The following RABGEF1 variants were observed in gnomAD, a reference collection of about 807,000 sequenced individuals.
RABGEF1 encodes RAB guanine nucleotide exchange factor 1.
In RABGEF1, 26 loss-of-function variants were observed where a neutral mutation model predicts 57.3. The observed-to-expected ratio is 0.45, with a 90% confidence interval of 0.33 to 0.63. The LOEUF (loss-of-function observed/expected upper bound fraction) is 0.63, where lower values mean the gene tolerates loss of function less well. RABGEF1 is among the 20% of genes least tolerant of loss of function. The pLI is 0.02. For synonymous variants in RABGEF1, 185 were observed against 210.7 expected (o/e 0.88, Z 1.06); for missense variants, 464 against 607.6 (o/e 0.76, Z 2.48).
chr7:66,662,950 A>G, the RABGEF1 span, among the ~76,000 whole-genome samples: 1 of 152,210 alleles, frequency 6.6e-6, no homozygotes, highest in Non-Finnish European at 1.5e-5. Flanking sequence ...GTGCGTGTGC[A>G]GGCATGTGTG....
chr7:66,748,614 C>T (rs1347816729), intron 1 of RABGEF1, among the ~76,000 whole-genome samples: 1 of 152,120 alleles, frequency 6.6e-6, no homozygotes, highest in Non-Finnish European at 1.5e-5. Context: ...ATCATAACGG[C>T]TAGTTCAAGG....
At chr7:66,696,220 CA>C (rs1338194695) in intron 1 of RABGEF1, among the ~76,000 whole-genome samples, 2 of 152,042 alleles carry the variant, frequency 1.3e-5, no homozygotes, top group Admixed American at 6.6e-5. Flanking sequence ...TGCCTAACAC[CA>C]TGCCTGGCTA....
At chr7:66,693,420 A>T (rs1026415318) in intron 1 of RABGEF1, among the ~76,000 whole-genome samples, 1 of 152,070 alleles carries the variant, frequency 6.6e-6, no homozygotes, top group Non-Finnish European at 1.5e-5. Flanking sequence ...CTTCCAGGGC[A>T]GGCCTGGCTC....
intron 3 of RABGEF1, among the ~76,000 whole-genome samples, chr7:66,783,279 G>T (rs754313386): frequency 9.9e-5 from 15 of 152,182 alleles, no homozygotes; most frequent in Non-Finnish European, 1.6e-4. Flanking sequence ...CATTTAACAT[G>T]TCAGTGCTTC....
rs1789431634 is a variant in RABGEF1, at chr7:66,811,389, T to G, written c.*2105T>G. On this transcript the variant is annotated 3_prime_UTR_variant, in exon 9 of 9. Transcript: ENST00000284957. The stretch of plus-strand genomic sequence containing the variant: ...GAAGATGTTGGTATTTTATGTAGGG[T>G]AAATGTGACTGGAATACACCTTTGG... The G allele has an allele frequency of 6.6e-6, 1 of 152,368 alleles. No homozygotes were observed. Among genetic ancestry groups the G allele is most frequent in the Non-Finnish European group, 1.5e-5 (1 of 68,026 alleles). 9.4% of individuals were successfully genotyped at this position (152,368 alleles called of 1,614,324 possible). A position where few individuals can be genotyped will look rare whatever the true frequency, so the allele number is the denominator to read the frequency against.
At chr7:66,782,052 G>A (rs1272407858) in intron 3 of RABGEF1, among the ~76,000 whole-genome samples, 1 of 152,150 alleles carries the variant, frequency 6.6e-6, no homozygotes, top group Non-Finnish European at 1.5e-5. Context: ...ATTCCATCAT[G>A]ACTAGAAGCA....
In RABGEF1 at chr7:66,811,268, G is replaced by A. The variant is rs571118070; in HGVS notation, c.*1984G>A. ...TTTTTGGAGGTATCTCATATTGGTC[G>A]AATTCTTCTGGTATGGACTCTTGCC... On this transcript the variant is annotated 3_prime_UTR_variant, in exon 9 of 9. Transcript: ENST00000284957. The A allele has an allele frequency of 1.3e-5, 2 of 152,166 alleles. No homozygotes were observed. Among genetic ancestry groups the A allele is most frequent in the Middle Eastern group, 3.4e-3 (1 of 294 alleles). The allele number at this position is 152,166 out of a possible 1,614,324, so 9.4% of individuals were successfully genotyped here.
chr7:66,790,213 C>T lies in RABGEF1; in HGVS notation c.514-5298C>T, dbSNP rs550479156. ...AGAAGAAATTAAAGACAATAACCCT[C>T]ACCTGAAGAACCTCTGTGAAACTCT... On this transcript the variant is annotated intron_variant, in intron 4 of 8. Coordinates refer to ENST00000284957, the MANE Select transcript of RABGEF1 (RefSeq NM_014504.3). Among the ~76,000 whole-genome samples, 139 of 152,366 alleles carry T rather than the reference C, an allele frequency of 9.1e-4. 1 individual carries two copies. The highest frequency in any genetic ancestry group is 1.4e-3 in the Non-Finnish European group (95 of 68,036).
At chr7:66,661,229 G>A in the RABGEF1 span, among the ~76,000 whole-genome samples, 1 of 142,488 alleles carries the variant, frequency 7.0e-6, no homozygotes, top group South Asian at 2.2e-4. Flanking sequence ...AACCCAGGAG[G>A]CTGAGCTTGC....
intron 1 of RABGEF1, chr7:66,768,746 A>G (rs527768370): frequency 6.6e-6 from 1 of 152,348 alleles, no homozygotes; most frequent in Admixed American, 6.5e-5. Context: ...GGGTAAGCCT[A>G]GAAATTGCTT....
At chr7:66,707,796 G>A (rs979114964) in intron 1 of RABGEF1, among the ~76,000 whole-genome samples, 3 of 152,048 alleles carry the variant, frequency 2.0e-5, no homozygotes, top group Non-Finnish European at 2.9e-5. Flanking sequence ...TCTGTTTTTC[G>A]GTGCATATAG....
intron 1 of RABGEF1, among the ~76,000 whole-genome samples, chr7:66,767,000 CTTTTTTTTTT>C (rs34123866): frequency 6.0e-4 from 62 of 102,606 alleles, no homozygotes; most frequent in African/African-American, 2.2e-3. Context: ...TGTCAAGTTT[CTTTTTTTTTT>C]TTTTTTTTTT....
the RABGEF1 span, among the ~76,000 whole-genome samples, chr7:66,660,817 C>T: frequency 6.6e-6 from 1 of 152,234 alleles, no homozygotes; most frequent in Non-Finnish European, 1.5e-5. Flanking sequence ...GAAATACTTT[C>T]TAACTCATTC....
chr7:66,729,198 C>T (rs1415751029), intron 2 of RABGEF1, among the ~76,000 whole-genome samples: 1 of 151,960 alleles, frequency 6.6e-6, no homozygotes, highest in African/African-American at 2.4e-5. Flanking sequence ...GATCCACCCA[C>T]CTCGGCCTCC....
rs572791604 is a variant in RABGEF1, at chr7:66,685,138, G to C, written c.-873+2880G>C. On this transcript the variant is annotated intron_variant and NMD_transcript_variant, in intron 1 of 9. Transcript: ENST00000607882. ...GATAAGGACAAATGTTTTCAGTATA[G>C]TGCTGGATTATTTGCTTTTTTTTTT... Among the ~76,000 whole-genome samples the C allele has an allele frequency of 2.0e-5, 3 of 147,962 alleles. No individual in the cohort carries two copies. In the East Asian group the frequency reaches 6.1e-4, roughly 30 times the overall value.
chr7:66,655,154 G>C, the RABGEF1 span, among the ~76,000 whole-genome samples: 15 of 152,240 alleles, frequency 9.9e-5, no homozygotes, highest in Non-Finnish European at 2.1e-4. Context: ...AAGCGTCCCG[G>C]AGTTGGGAGG....
At chr7:66,780,543 AGAGTCAG>A (rs1382568446) in intron 3 of RABGEF1, among the ~76,000 whole-genome samples, 4 of 152,206 alleles carry the variant, frequency 2.6e-5, no homozygotes, top group African/African-American at 7.2e-5. Context: ...GTGTTCTATC[AGAGTCAG>A]ATAGGTCAAG....
At chr7:66,714,852 G>A (rs1795185247) in intron 2 of RABGEF1, among the ~76,000 whole-genome samples, 1 of 152,168 alleles carries the variant, frequency 6.6e-6, no homozygotes, top group African/African-American at 2.4e-5. Context: ...GGAGAATGGT[G>A]TGAACCCGGG....
chr7:66,767,897 A>G (rs1451442462), intron 1 of RABGEF1, among the ~76,000 whole-genome samples: 1 of 152,226 alleles, frequency 6.6e-6, no homozygotes, highest in Non-Finnish European at 1.5e-5. Context: ...GCTGGCTTCT[A>G]TCAGCATAAA....
Sources: allele counts gnomAD v4.1 joint callset (sites outside exome capture counted in the v4.1 genomes callset), GRCh38; gene constraint gnomAD v4.1.1; transcripts MANE v1.5; gene names NCBI Gene and HGNC (gene_info 2026-07-23, HGNC 2026-07-21).